Variants in BCR observed in about 807,000 individuals in gnomAD.
BCR encodes the protein breakpoint cluster region protein.
BCR carries 58 observed loss-of-function variants against 138.6 expected under a neutral mutation model. The observed-to-expected ratio is 0.42, with a 90% CI of 0.34 to 0.52. The LOEUF is 0.52. BCR is among the 20% of genes least tolerant of loss of function. The pLI is 0.06. For synonymous variants in BCR, 786 were observed against 730.1 expected, an observed-to-expected ratio of 1.08 and a Z score of -1.23; for missense variants, 1,599 against 1,727.2, an observed-to-expected ratio of 0.93 and a Z score of 1.32.
intron 1 of BCR, among the ~76,000 whole-genome samples, chr22:23,221,888 G>A (rs1353780188): frequency 1.3e-5 from 2 of 152,122 alleles, no homozygotes; most frequent in South Asian, 2.1e-4. Context: ...TCAGGAGTTC[G>A]AGACCAGCCT....
chr22:23,197,556 T>C lies in BCR; in HGVS notation c.1279+15317T>C, dbSNP rs111959528. Among the ~76,000 whole-genome samples, 1,210 of 152,278 alleles carry C rather than the reference T, an allele frequency of 7.9e-3. 18 individuals carry two copies. The highest frequency in any genetic ancestry group is 0.027 in the African/African-American group (1,130 of 41,552). On this transcript the variant is annotated intron_variant, in intron 1 of 22. Transcript: ENST00000305877. ...GAGGGCCAACTGTATGCTCAGAAAGTAGCAGGCTCTGGTTGGAGAGTTGGT... is the reference window on the plus strand; with the variant it reads ...GAGGGCCAACTGTATGCTCAGAAAGCAGCAGGCTCTGGTTGGAGAGTTGGT...
At chr22:23,205,922 G>A (rs1385172705) in intron 1 of BCR, among the ~76,000 whole-genome samples, 1 of 152,200 alleles carries the variant, frequency 6.6e-6, no homozygotes, top group Non-Finnish European at 1.5e-5. Context: ...CAAATGCCTG[G>A]TGGTGATGCA....
intron 1 of BCR, among the ~76,000 whole-genome samples, chr22:23,243,699 A>G (rs1602056987): frequency 6.7e-6 from 1 of 148,360 alleles, no homozygotes; most frequent in Non-Finnish European, 1.5e-5. Context: ...CCCAGGCTGG[A>G]GTGCAGTGGC....
At chr22:23,252,868 C>CA (rs2073247428) in intron 1 of BCR, among the ~76,000 whole-genome samples, 1 of 152,240 alleles carries the variant, frequency 6.6e-6, no homozygotes, top group South Asian at 2.1e-4. Flanking sequence ...TCTCTGCAGA[C>CA]ACCAGCTGGG....
At position 23,288,100 on chromosome 22, in the gene BCR, T is replaced by TA; in HGVS notation, c.2531dup (p.Tyr844Ter). Residue 844 changes from tyrosine to a stop codon, truncating the protein, a stop_gained and frameshift_variant, in exon 12 of 23, where the codon TAC becomes TAAC. Coordinates refer to ENST00000305877, the MANE Select transcript of BCR (RefSeq NM_004327.4). LOFTEE classifies it high-confidence loss of function. The stretch of plus-strand genomic sequence containing the variant: ...GTGTTCTTCTTGCCCACCCTAGAGT[T>TA]ACACGTTCCTGATCTCCTCTGACTA... ...FRVHSRNGKS[Y>*]TFLISSDYER... 6.2e-7 allele frequency: 1 copy of TA among 1,613,954 alleles called. No homozygotes were observed. The highest frequency in any genetic ancestry group is 8.5e-7 in the Non-Finnish European group (1 of 1,179,900).
intron 1 of BCR, among the ~76,000 whole-genome samples, chr22:23,208,000 G>A (rs111649152): frequency 0.068 from 10,350 of 152,226 alleles, 1,180 homozygotes; most frequent in African/African-American, 0.23. Context: ...AGGCAGGTGT[G>A]CCCATCTGTA....
At chr22:23,251,898 G>T (rs774863248) in intron 1 of BCR, among the ~76,000 whole-genome samples, 1 of 152,206 alleles carries the variant, frequency 6.6e-6, no homozygotes, top group African/African-American at 2.4e-5. Flanking sequence ...CAGTGGTCAT[G>T]ATGAGTCCAC....
At position 23,287,163 on chromosome 22, in the gene BCR, C is replaced by T. The variant is rs774558211; in HGVS notation, c.2411C>T (p.Ala804Val). 6.8e-5 allele frequency: 107 copies of T among 1,577,940 alleles called. No individual in the cohort carries two copies. Among genetic ancestry groups the T allele is most frequent in the East Asian group, 1.2e-4 (5 of 43,222 alleles). The change falls in exon 11 of 23, where the codon GCG (alanine) becomes GTG (valine). Residue 804 changes from alanine (A) to valine (V), a missense_variant. Physicochemically the swap from Ala to Val is moderately conservative, Grantham distance 64. Around this residue, in one of 4 missense-constraint regions of BCR, gnomAD observed 590 missense variants for 762.4 expected, o/e 0.77. Transcript: ENST00000305877. ...IKNDIQREKRANKGSKATERL... is the reference protein window; with the variant it reads ...IKNDIQREKRVNKGSKATERL... ...GGCTGTGGCATCTCCCCACAGAGGG[C>T]GAACAAGGGCAGCAAGGCTACGGAG...
intron 13 of BCR, 137 bp downstream of exon 13, chr22:23,289,758 A>G (rs2073762995): frequency 1.3e-6 from 1 of 763,618 alleles, no homozygotes; most frequent in Non-Finnish European, 2.2e-6. Flanking sequence ...TATGCTTGTT[A>G]GGGCCTCTTG....
intron 1 of BCR, among the ~76,000 whole-genome samples, chr22:23,185,732 T>TG (rs2072333603): frequency 6.7e-6 from 1 of 149,074 alleles, no homozygotes; most frequent in South Asian, 2.1e-4. Flanking sequence ...TTTTTTTTGT[T>TG]GTTGTTGTTT....
Position 23,303,355 on chromosome 22 carries a change from G to A in BCR, c.3013-6069G>A, listed in dbSNP as rs574434319. Among the ~76,000 whole-genome samples the A allele has an allele frequency of 5.9e-5, 9 of 152,148 alleles. No homozygotes were observed. The South Asian group carries it at 1.5e-3, about 25-fold the overall frequency. On this transcript the variant is annotated intron_variant, in intron 16 of 22. Coordinates refer to ENST00000305877, the MANE Select transcript of BCR (RefSeq NM_004327.4). The stretch of plus-strand genomic sequence containing the variant: ...CGGAGGAGGTATGGTCAGGTAAGGC[G>A]GATACCGTCATGAAGGCACCAAGAA...
At chr22:23,260,643 A>G (rs1336112087) in intron 2 of BCR, among the ~76,000 whole-genome samples, 1 of 152,164 alleles carries the variant, frequency 6.6e-6, no homozygotes, top group African/African-American at 2.4e-5. Flanking sequence ...CTTGGGTTGC[A>G]TGCAGAAGCG....
chr22:23,230,757 TC>T (rs1448797039), intron 1 of BCR, among the ~76,000 whole-genome samples: 2 of 152,226 alleles, frequency 1.3e-5, no homozygotes, highest in Non-Finnish European at 2.9e-5. Context: ...TGCATAAAGA[TC>T]TTTGGAAATG....
chr22:23,260,487 C>CA (rs546687498), intron 2 of BCR, among the ~76,000 whole-genome samples: 235 of 152,274 alleles, frequency 1.5e-3, no homozygotes, highest in African/African-American at 5.4e-3. Context: ...CGGCAGCAGT[C>CA]AGAGAATCCA....
chr22:23,268,372 C>A, intron 4 of BCR, 36 bp from the exon 5 acceptor site: 1 of 1,520,166 alleles, frequency 6.6e-7, no homozygotes, highest in Non-Finnish European at 9.0e-7. Context: ...GGAGCAGCAG[C>A]ACCTGTCCCA....
intron 1 of BCR, among the ~76,000 whole-genome samples, chr22:23,221,990 C>G (rs2072829638): frequency 6.6e-6 from 1 of 152,094 alleles, no homozygotes; most frequent in African/African-American, 2.4e-5. Context: ...ACTTGGGAGG[C>G]TGAGGCAGGA....
In BCR at chr22:23,316,493, A is replaced by G. The variant is rs1207452010; in HGVS notation, c.*971A>G. ...ACTTGTTTTAAAACTTTCATCCTAA[A>G]TAACCTTTTGATACTTGAATATTTG... On this transcript the variant is annotated 3_prime_UTR_variant, in exon 23 of 23. Coordinates refer to ENST00000305877, the MANE Select transcript of BCR (RefSeq NM_004327.4). The G allele has an allele frequency of 2.8e-5, 5 of 176,182 alleles. No individual in the cohort carries two copies. The highest frequency in any genetic ancestry group is 5.9e-5 in the Non-Finnish European group (5 of 84,688). 10.9% of individuals were successfully genotyped at this position (176,182 alleles called of 1,614,324 possible).
chr22:23,181,091 G>C lies in BCR; in HGVS notation c.131G>C (p.Arg44Pro), dbSNP rs1356513072. 6 of 1,514,144 alleles carry C rather than the reference G, an allele frequency of 4.0e-6. No homozygotes were observed. Among genetic ancestry groups the C allele is most frequent in the Non-Finnish European group, 5.3e-6 (6 of 1,124,812 alleles). The allele number at this position is 1,514,144 out of a possible 1,614,324, so 93.8% of individuals were successfully genotyped here. ...GAGCGCTGCAAGGCCTCCATTCGGC[G>C]CCTGGAGCAGGAGGTGAACCAGGAG... Reference protein sequence around the residue: ...ELERCKASIRRLEQEVNQERF... With the variant: ...ELERCKASIRPLEQEVNQERF... Residue 44 changes from arginine (R) to proline (P), a missense_variant, in exon 1 of 23, where the codon CGC becomes CCC. By Grantham distance (103) the Arg-to-Pro change is moderately radical. Coordinates refer to ENST00000305877, the MANE Select transcript of BCR (RefSeq NM_004327.4).
At position 23,273,659 on chromosome 22, in the gene BCR, G is replaced by A; in HGVS notation, c.2000G>A (p.Ser667Asn). ...LHDLLKHTPA[S>N]HPDHPLLQDA... Reference sequence around the variant, plus strand: ...GACTTGCTGAAGCACACTCCTGCCAGCCACCCTGACCACCCCTTGCTGCAG... The same window carrying A: ...GACTTGCTGAAGCACACTCCTGCCAACCACCCTGACCACCCCTTGCTGCAG... The change falls in exon 8 of 23, where the codon AGC (serine) becomes AAC (asparagine). Residue 667 changes from serine to asparagine, a missense_variant. By Grantham distance (46) the Ser-to-Asn change is conservative. Transcript: ENST00000305877. 1 of 1,613,970 alleles carries A rather than the reference G, an allele frequency of 6.2e-7. No individual in the cohort carries two copies. The highest frequency in any genetic ancestry group is 8.5e-7 in the Non-Finnish European group (1 of 1,180,026).
Sources: gnomAD v4.1 joint callset for allele counts (sites outside exome capture counted in the v4.1 genomes callset) on GRCh38, gnomAD v4.1.1 for gene constraint, gnomAD v4.1.1 regional missense constraint, MANE v1.5 for transcripts, NCBI Gene and HGNC (gene_info 2026-07-23, HGNC 2026-07-21) for gene names.